The following SNTA1 variants were observed in gnomAD, a reference collection of about 807,000 sequenced individuals.
SNTA1 encodes the protein syntrophin alpha 1.
In SNTA1, 31 loss-of-function variants were observed where a neutral mutation model predicts 47.1. The ratio of observed to expected loss-of-function variants is 0.66; its 90% confidence interval spans 0.49 to 0.89. The LOEUF (loss-of-function observed/expected upper bound fraction) is 0.89, where lower values mean the gene tolerates loss of function less well. Ranked by LOEUF, SNTA1 falls within the 40% of genes least tolerant of loss-of-function variation. The pLI is 0.00. For synonymous variants in SNTA1, 300 were observed against 313.6 expected (o/e 0.96, Z 0.46); for missense variants, 575 against 693.0 (o/e 0.83, Z 1.91).
Position 33,410,267 on chromosome 20 carries a change from G to A in SNTA1, c.1105C>T (p.Arg369Cys), listed in dbSNP as rs369968387. ...PYDAELSFAL[R>C]TGTRHGVDTH... Reference sequence around the variant, plus strand: ...TCCACACCGTGACGCGTGCCCGTGCGCAGGGCAAAAGAGAGCTCTGCATCG... The same window carrying A: ...TCCACACCGTGACGCGTGCCCGTGCACAGGGCAAAAGAGAGCTCTGCATCG... Residue 369 changes from arginine to cysteine, a missense_variant, in exon 6 of 8, where the codon CGC becomes TGC. Transcript: ENST00000217381. 4.5e-5 allele frequency: 73 copies of A among 1,612,434 alleles called. No individual in the cohort carries two copies. The highest frequency in any genetic ancestry group is 6.7e-5 in the Admixed American group (4 of 59,892).
At chr20:33,439,108 A>C (rs774196448) in intron 1 of SNTA1, 82 bp from the exon 2 acceptor site, 16 of 1,294,272 alleles carry the variant, frequency 1.2e-5, no homozygotes, top group Non-Finnish European at 1.8e-5. Context: ...TTATTTCTGA[A>C]GGCTTCCCTT....
At chr20:33,441,673 G>T (rs1169546316) in intron 1 of SNTA1, among the ~76,000 whole-genome samples, 1 of 152,084 alleles carries the variant, frequency 6.6e-6, no homozygotes, top group Non-Finnish European at 1.5e-5. Context: ...CCCAGATTTG[G>T]ATCCAATGGA....
intron 1 of SNTA1, among the ~76,000 whole-genome samples, chr20:33,439,636 C>T (rs915489509): frequency 5.3e-5 from 8 of 152,172 alleles, no homozygotes; most frequent in Non-Finnish European, 1.2e-4. Context: ...TAAATGTTTT[C>T]GATTTTCTCA....
rs180782229 is a variant in SNTA1 at position 33,420,415 on chromosome 20, T to C, written c.497-2492A>G. Among the ~76,000 whole-genome samples the C allele has an allele frequency of 3.7e-4, 57 of 152,342 alleles. No homozygotes were observed. In the East Asian group the frequency reaches 0.011, roughly 28 times the overall value. On this transcript the variant is annotated intron_variant, in intron 2 of 7. Transcript: ENST00000217381. ...CCTCATTGAATTGGATTCCTGTTAC[T>C]TGCAGTCAAAAGCATCCTGACAAAT...
intron 1 of SNTA1, among the ~76,000 whole-genome samples, chr20:33,442,542 G>T (rs1312978617): frequency 6.6e-6 from 1 of 152,178 alleles, no homozygotes; most frequent in Admixed American, 6.5e-5. Context: ...GGTGTGGTGA[G>T]CCCTGCTCTC....
At position 33,408,814 on chromosome 20, in the gene SNTA1, G is replaced by T; in HGVS notation, c.1312C>A (p.Pro438Thr). The T allele has an allele frequency of 6.2e-7, 1 of 1,614,174 alleles. No individual in the cohort carries two copies. The highest frequency in any genetic ancestry group is 8.5e-7 in the Non-Finnish European group (1 of 1,180,012). ...AGGAGCACAGCTCGGGCTGCACCTG[G>T]CTCAGCCGCCCACAGTGTGAAGCCC... ...DKGFTLWAAE[P>T]GAARAVLLRQ... Residue 438 changes from proline to threonine, a missense_variant, in exon 7 of 8, where the codon CCA becomes ACA. Coordinates refer to ENST00000217381, the MANE Select transcript of SNTA1 (RefSeq NM_003098.3).
chr20:33,432,671 T>C (rs766980391), intron 2 of SNTA1, among the ~76,000 whole-genome samples: 29 of 152,122 alleles, frequency 1.9e-4, no homozygotes, highest in Non-Finnish European at 4.1e-4. Context: ...AAGACTAGCC[T>C]GGACAACACA....
chr20:33,423,663 T>C (rs1001088710), intron 2 of SNTA1, among the ~76,000 whole-genome samples: 3 of 152,092 alleles, frequency 2.0e-5, no homozygotes, highest in Non-Finnish European at 2.9e-5. Flanking sequence ...TGGAAACACA[T>C]GGAAGAGAAA....
intron 2 of SNTA1, among the ~76,000 whole-genome samples, chr20:33,424,616 C>A (rs552842115): frequency 6.6e-6 from 1 of 151,864 alleles, no homozygotes; most frequent in African/African-American, 2.4e-5. Context: ...TAGGCTTAAG[C>A]GATCCTCCCA....
At chr20:33,420,836 T>C (rs1026748376) in intron 2 of SNTA1, among the ~76,000 whole-genome samples, 7 of 151,722 alleles carry the variant, frequency 4.6e-5, no homozygotes, top group Non-Finnish European at 1.0e-4. Context: ...AGAAAAAAAT[T>C]AGCTGGGCGT....
chr20:33,420,797 T>A (rs1989998254), intron 2 of SNTA1, among the ~76,000 whole-genome samples: 1 of 151,942 alleles, frequency 6.6e-6, no homozygotes, highest in Non-Finnish European at 1.5e-5. Context: ...CTGGCCAACA[T>A]GGTGAAACCC....
rs1233213645 is a variant in SNTA1 at position 33,419,946 on chromosome 20, CAG to C, written c.497-2025_497-2024del. ...TTTTTTTTCTTTCTTTTTTTTGTGA[CAG>C]AGTCTCACTCTGTCGCCCAGGCTGG... On this transcript the variant is annotated intron_variant, in intron 2 of 7. Transcript: ENST00000217381. Among the ~76,000 whole-genome samples the C allele has an allele frequency of 4.0e-5, 6 of 151,520 alleles. No individual in the cohort carries two copies. The East Asian group carries it at 9.7e-4, about 24-fold the overall frequency.
chr20:33,418,802 A>C (rs1344657980), intron 2 of SNTA1, among the ~76,000 whole-genome samples: 1 of 51,960 alleles, frequency 1.9e-5, no homozygotes, highest in Non-Finnish European at 6.2e-5. Context: ...CAAAAAAAAA[A>C]AAAAAAAAAA....
chr20:33,424,336 G>GA (rs920797167), intron 2 of SNTA1, among the ~76,000 whole-genome samples: 90 of 148,356 alleles, frequency 6.1e-4, no homozygotes, highest in Non-Finnish European at 1.1e-3. Flanking sequence ...AAGAAAGAAA[G>GA]AAAAAAAAAG....
chr20:33,427,397 C>G (rs1335016927), intron 2 of SNTA1, among the ~76,000 whole-genome samples: 1 of 152,108 alleles, frequency 6.6e-6, no homozygotes, highest in Non-Finnish European at 1.5e-5. Flanking sequence ...ACCCATCCAC[C>G]CAGGATGGTG....
intron 1 of SNTA1, 74 bp downstream of exon 1, chr20:33,443,237 C>T: frequency 2.5e-6 from 3 of 1,219,698 alleles, no homozygotes; most frequent in Non-Finnish European, 2.2e-6. Context: ...ATGTCCTGGG[C>T]GCGCTGCCAG....
chr20:33,443,009 T>C (rs1990615013), intron 1 of SNTA1, among the ~76,000 whole-genome samples: 1 of 151,944 alleles, frequency 6.6e-6, no homozygotes. Context: ...CTCTTGTCCT[T>C]GATGTTCATG....
At chr20:33,428,851 A>G (rs1174746943) in intron 2 of SNTA1, among the ~76,000 whole-genome samples, 1 of 151,832 alleles carries the variant, frequency 6.6e-6, no homozygotes, top group East Asian at 1.9e-4. Context: ...AACCAGCCTG[A>G]CCAAGATGGT....
chr20:33,431,698 G>A (rs969126053), intron 2 of SNTA1, among the ~76,000 whole-genome samples: 2 of 152,058 alleles, frequency 1.3e-5, no homozygotes, highest in Admixed American at 6.6e-5. Flanking sequence ...GCAGTGAGCC[G>A]AGATCGTGCC....
Sources: allele counts gnomAD v4.1 joint callset (sites outside exome capture counted in the v4.1 genomes callset), GRCh38; gene constraint gnomAD v4.1.1; transcripts MANE v1.5; gene names NCBI Gene and HGNC (gene_info 2026-07-23, HGNC 2026-07-21).